ERC2: variants seen among roughly 807,000 people sequenced by gnomAD.
ERC2 encodes the protein ELKS/RAB6-interacting/CAST family member 2.
Under a neutral mutation model 114.8 loss-of-function variants are expected in ERC2, and 42 were observed. The ratio of observed to expected loss-of-function variants is 0.37; its 90% CI spans 0.29 to 0.47. ERC2 has a LOEUF of 0.47. Ranked by LOEUF, ERC2 falls within the 20% of genes least tolerant of loss-of-function variation. The pLI, the probability that ERC2 is intolerant of heterozygous loss-of-function variation, is 0.99. For synonymous variants in ERC2, 454 were observed against 425.5 expected (o/e 1.07, Z -0.82); for missense variants, 939 against 1,150.7 (o/e 0.82, Z 2.66).
intron 17 of ERC2, among the ~76,000 whole-genome samples, chr3:55,558,413 C>G (rs1438163454): frequency 1.3e-5 from 2 of 152,156 alleles, no homozygotes; most frequent in African/African-American, 4.8e-5. Context: ...CTCCAAATAA[C>G]CAAGGAGCAA....
intron 2 of ERC2, among the ~76,000 whole-genome samples, chr3:56,416,098 G>A (rs147606804): frequency 2.6e-5 from 4 of 152,284 alleles, no homozygotes; most frequent in South Asian, 2.1e-4. Context: ...GGGAAAAGAC[G>A]TGATTTGGCC....
chr3:55,839,004 A>C (rs2061016509), intron 14 of ERC2, among the ~76,000 whole-genome samples: 1 of 151,926 alleles, frequency 6.6e-6, no homozygotes, highest in Non-Finnish European at 1.5e-5. Flanking sequence ...ATAAACACCA[A>C]GCTCAAGAAA....
chr3:56,074,966 A>G lies in ERC2; in HGVS notation c.1641+5851T>C, dbSNP rs2149740650. ...ATGCACATTGATCAAGGAGCATCAC[A>G]TGCCAAGAATTTTGCGAGAAGCTGG... On this transcript the variant is annotated intron_variant, in intron 7 of 17. Transcript: ENST00000288221. Among the ~76,000 whole-genome samples the G allele has an allele frequency of 3.9e-5, 6 of 152,294 alleles. No individual in the cohort carries two copies. In the South Asian group the frequency reaches 1.2e-3, roughly 32 times the overall value.
At chr3:56,139,960 C>T (rs2080755140) in intron 5 of ERC2, among the ~76,000 whole-genome samples, 1 of 152,118 alleles carries the variant, frequency 6.6e-6, no homozygotes, top group Admixed American at 6.5e-5. Flanking sequence ...TGAAGCCTTC[C>T]CAGCCAAACC....
At chr3:56,140,269 A>T in intron 5 of ERC2, among the ~76,000 whole-genome samples, 1 of 152,146 alleles carries the variant, frequency 6.6e-6, no homozygotes. Context: ...CCCATGTCCT[A>T]TCCCATTTCT....
intron 15 of ERC2, among the ~76,000 whole-genome samples, chr3:55,731,135 C>T (rs2065231341): frequency 6.6e-6 from 1 of 152,166 alleles, no homozygotes. Context: ...CAGGCTGGGA[C>T]CTGGGGTCCA....
intron 7 of ERC2, among the ~76,000 whole-genome samples, chr3:56,057,104 C>G (rs1462718761): frequency 1.3e-5 from 2 of 152,188 alleles, no homozygotes; most frequent in African/African-American, 4.8e-5. Context: ...CTCCTTCCCC[C>G]ACAAACACAC....
chr3:56,387,307 A>G (rs1286558571), intron 2 of ERC2, among the ~76,000 whole-genome samples: 1 of 152,208 alleles, frequency 6.6e-6, no homozygotes, highest in African/African-American at 2.4e-5. Context: ...TACAAAATTC[A>G]TCAGTTTGGT....
At chr3:55,904,570 T>G (rs1443884758) in intron 13 of ERC2, among the ~76,000 whole-genome samples, 1 of 152,172 alleles carries the variant, frequency 6.6e-6, no homozygotes, top group Non-Finnish European at 1.5e-5. Context: ...CCAGAAAGCT[T>G]CCTTTTACAA....
At chr3:56,022,494 T>C (rs147535046) in intron 7 of ERC2, among the ~76,000 whole-genome samples, 5 of 152,302 alleles carry the variant, frequency 3.3e-5, no homozygotes, top group African/African-American at 1.2e-4. Flanking sequence ...ACTCCAAAGA[T>C]GACTGAATTC....
chr3:55,860,552 G>T (rs534233125), intron 14 of ERC2, among the ~76,000 whole-genome samples: 19 of 152,194 alleles, frequency 1.2e-4, no homozygotes, highest in African/African-American at 4.6e-4. Flanking sequence ...TACCAAGCCA[G>T]TCACTCTGAA....
chr3:56,132,474 C>T (rs1240824594), intron 6 of ERC2, among the ~76,000 whole-genome samples: 34 of 152,172 alleles, frequency 2.2e-4, no homozygotes, highest in Admixed American at 2.2e-3. Flanking sequence ...CAGCACCTTA[C>T]ACAACCTCCC....
chr3:56,317,050 G>A (rs2056898558), intron 2 of ERC2, among the ~76,000 whole-genome samples: 2 of 152,200 alleles, frequency 1.3e-5, no homozygotes, highest in Admixed American at 1.3e-4. Flanking sequence ...CATCGTCCTT[G>A]GCCTTGAGAA....
chr3:56,154,532 G>A (rs2081592255), intron 4 of ERC2, among the ~76,000 whole-genome samples: 1 of 152,082 alleles, frequency 6.6e-6, no homozygotes, highest in African/African-American at 2.4e-5. Flanking sequence ...ATATTACTAA[G>A]GACTCATGAG....
intron 14 of ERC2, among the ~76,000 whole-genome samples, chr3:55,785,112 GAT>G (rs1247243801): frequency 3.3e-5 from 5 of 152,182 alleles, no homozygotes; most frequent in South Asian, 2.1e-4. Context: ...GACATCATTA[GAT>G]ATAGGCCTTG....
intron 2 of ERC2, among the ~76,000 whole-genome samples, chr3:56,364,949 G>A (rs909694803): frequency 2.6e-5 from 4 of 152,160 alleles, no homozygotes; most frequent in Admixed American, 1.3e-4. Context: ...AAGACTGCTG[G>A]AGTTCCACCA....
At chr3:55,558,587 C>G (rs907796658) in intron 17 of ERC2, among the ~76,000 whole-genome samples, 2 of 152,230 alleles carry the variant, frequency 1.3e-5, no homozygotes, top group African/African-American at 4.8e-5. Context: ...CTGAAGTTAA[C>G]AGAAGTTTGT....
At chr3:55,713,128 G>GTC (rs71637554) in intron 15 of ERC2, among the ~76,000 whole-genome samples, 1 of 54,130 alleles carries the variant, frequency 1.8e-5, no homozygotes, top group African/African-American at 8.7e-5. Flanking sequence ...CTCTCTCTCT[G>GTC]TCTCACACAC....
chr3:56,033,005 A>AAAAAGAAAC (rs1406438922), intron 7 of ERC2, among the ~76,000 whole-genome samples: 2 of 137,380 alleles, frequency 1.5e-5, no homozygotes, highest in Non-Finnish European at 3.2e-5. Context: ...GAAAGAAAGA[A>AAAAAGAAAC]AGAAAGAAAG....
Sources: gnomAD v4.1 joint callset for allele counts (sites outside exome capture counted in the v4.1 genomes callset) on GRCh38, gnomAD v4.1.1 for gene constraint, MANE v1.5 for transcripts, NCBI Gene and HGNC (gene_info 2026-07-23, HGNC 2026-07-21) for gene names.